The following MFN1 variants were observed in gnomAD, a reference collection of about 807,000 sequenced individuals.
MFN1 encodes mitofusin 1.
In MFN1, 65 loss-of-function variants were observed where a neutral mutation model predicts 92.4. The ratio of observed to expected loss-of-function variants is 0.70; its 90% confidence interval spans 0.58 to 0.86. The LOEUF is 0.86. Among genes scored for constraint, MFN1 ranks in the 40% least tolerant of loss-of-function variants. The pLI is 0.00. For missense variants in MFN1, 781 were observed against 868.0 expected (o/e 0.90, Z 1.26); for synonymous variants, 297 against 300.9 (o/e 0.99, Z 0.13).
chr3:179,355,124 G>A (rs766468639), intron 3 of MFN1, among the ~76,000 whole-genome samples: 14 of 151,934 alleles, frequency 9.2e-5, no homozygotes, highest in Non-Finnish European at 1.9e-4. Flanking sequence ...GCCCATATAT[G>A]CATCCATTCT....
At chr3:179,359,122 T>C in intron 4 of MFN1, 120 bp downstream of exon 4, 1 of 1,195,274 alleles carries the variant, frequency 8.4e-7, no homozygotes, top group South Asian at 2.3e-5. Context: ...ACTGTTAATA[T>C]TTTTCTTTTT....
At chr3:179,379,967 A>G (rs959183779) in intron 14 of MFN1, among the ~76,000 whole-genome samples, 5 of 152,246 alleles carry the variant, frequency 3.3e-5, no homozygotes, top group Admixed American at 1.3e-4. Context: ...TTGATCATGC[A>G]TTGAAAGAGT....
At chr3:179,382,102 AG>A (rs2108553411) in intron 14 of MFN1, among the ~76,000 whole-genome samples, 1 of 152,158 alleles carries the variant, frequency 6.6e-6, no homozygotes, top group Non-Finnish European at 1.5e-5. Flanking sequence ...TTTAAGTTCT[AG>A]GGTACATGTA....
intron 14 of MFN1, among the ~76,000 whole-genome samples, chr3:179,379,333 C>T (rs563214698): frequency 9.2e-5 from 14 of 152,192 alleles, no homozygotes; most frequent in African/African-American, 2.9e-4. Flanking sequence ...TGTAAAGATA[C>T]TGTTTAAAAA....
intron 6 of MFN1, 29 bp downstream of exon 6, chr3:179,364,434 G>C (rs924621670): frequency 5.4e-6 from 8 of 1,475,250 alleles, no homozygotes; most frequent in Non-Finnish European, 7.6e-6. Context: ...ATTGTGTTTC[G>C]ATGGTAGGAA....
intron 14 of MFN1, 34 bp downstream of exon 14, chr3:179,378,848 C>G (rs568569167): frequency 1.4e-6 from 2 of 1,464,480 alleles, no homozygotes; most frequent in African/African-American, 2.8e-5. Context: ...TTAAGACTCT[C>G]CTTTATTATT....
chr3:179,364,459 G>T, intron 6 of MFN1, 54 bp downstream of exon 6: 1 of 1,348,144 alleles, frequency 7.4e-7, no homozygotes, highest in South Asian at 1.2e-5. Flanking sequence ...AATGGTATCT[G>T]TTTTAATTCT....
At chr3:179,363,577 C>T (rs778602601) in intron 5 of MFN1, among the ~76,000 whole-genome samples, 13 of 151,808 alleles carry the variant, frequency 8.6e-5, no homozygotes, top group Admixed American at 5.3e-4. Context: ...TTGCAAACTC[C>T]GCTTCCCAGT....
intron 2 of MFN1, among the ~76,000 whole-genome samples, chr3:179,351,485 C>T (rs988193738): frequency 2.0e-5 from 3 of 152,178 alleles, no homozygotes; most frequent in African/African-American, 2.4e-5. Context: ...TGCACTGTAT[C>T]TTAATTTCTG....
intron 14 of MFN1, among the ~76,000 whole-genome samples, chr3:179,382,176 C>T (rs1321881178): frequency 1.3e-5 from 2 of 152,080 alleles, no homozygotes; most frequent in Non-Finnish European, 2.9e-5. Context: ...CACCCATTAA[C>T]TCATCATTTA....
chr3:179,389,805 A>C lies in MFN1; in HGVS notation c.2013-199A>C, dbSNP rs528814798. ...TTATTCATGTTCACAGCCATATAGC[A>C]GAGGTAATATCGTCTCTTGAGCCAG... On this transcript the variant is annotated intron_variant, in intron 16 of 17. Transcript: ENST00000471841. Among the ~76,000 whole-genome samples the C allele has an allele frequency of 3.0e-3, 452 of 152,248 alleles. 5 individuals carry two copies. Among genetic ancestry groups the C allele is most frequent in the African/African-American group, 0.011 (444 of 41,550 alleles).
chr3:179,351,451 A>G (rs1712143278), intron 2 of MFN1, among the ~76,000 whole-genome samples: 5 of 152,206 alleles, frequency 3.3e-5, no homozygotes, highest in Admixed American at 2.0e-4. Flanking sequence ...TAAAGTAGCA[A>G]GGTCTTTCCT....
intron 13 of MFN1, 64 bp downstream of exon 13, chr3:179,378,507 T>A: frequency 6.6e-7 from 1 of 1,519,762 alleles, no homozygotes; most frequent in Non-Finnish European, 9.0e-7. Context: ...GTGAAGAGCT[T>A]ATTTTCCTTT....
At chr3:179,383,572 A>G (rs1447251164) in intron 14 of MFN1, among the ~76,000 whole-genome samples, 2 of 152,124 alleles carry the variant, frequency 1.3e-5, no homozygotes, top group Non-Finnish European at 2.9e-5. Flanking sequence ...TTGGTTCCAT[A>G]TGAACTTTAA....
intron 14 of MFN1, among the ~76,000 whole-genome samples, chr3:179,383,892 T>C (rs1341977508): frequency 1.1e-4 from 16 of 152,222 alleles, no homozygotes; most frequent in Non-Finnish European, 1.6e-4. Flanking sequence ...TCAGTAATTT[T>C]TTAGGAAATT....
rs1713330134 is a variant in MFN1, at chr3:179,378,343, A to C, written c.1332A>C (p.Glu444Asp). 1.9e-6 allele frequency: 3 copies of C among 1,583,920 alleles called. No homozygotes were observed. Among genetic ancestry groups the C allele is most frequent in the Non-Finnish European group, 2.6e-6 (3 of 1,169,080 alleles). The change falls in exon 13 of 18, where the codon GAA (glutamate) becomes GAC (aspartate). Residue 444 changes from glutamate (E) to aspartate (D), a missense_variant and splice_region_variant. Transcript: ENST00000471841. ...NPDVLKIYKSELNKHIEDGMG... is the reference protein window; with the variant it reads ...NPDVLKIYKSDLNKHIEDGMG... Reference sequence around the variant, plus strand: ...TGGATATTTACCATTGTTAACAGGAATTAAATAAGCACATAGAGGATGGTA... The same window carrying C: ...TGGATATTTACCATTGTTAACAGGACTTAAATAAGCACATAGAGGATGGTA...
chr3:179,358,145 A>ATTTT (rs1287189333), intron 3 of MFN1, among the ~76,000 whole-genome samples: 3 of 91,684 alleles, frequency 3.3e-5, no homozygotes, highest in African/African-American at 1.5e-4. Flanking sequence ...AGTGTCACTC[A>ATTTT]TTTTGTTTTT....
At chr3:179,381,665 C>T (rs1051849136) in intron 14 of MFN1, among the ~76,000 whole-genome samples, 106 of 152,256 alleles carry the variant, frequency 7.0e-4, no homozygotes, top group African/African-American at 2.4e-3. Context: ...ACATGGGTGG[C>T]TGACATAGCA....
chr3:179,370,475 G>A (rs375974723), intron 9 of MFN1, among the ~76,000 whole-genome samples: 1 of 145,162 alleles, frequency 6.9e-6, no homozygotes. Flanking sequence ...GCAGCGGCGC[G>A]ATGTCAGCTC....
Sources: gnomAD v4.1 joint callset for allele counts (sites outside exome capture counted in the v4.1 genomes callset) on GRCh38, gnomAD v4.1.1 for gene constraint, MANE v1.5 for transcripts, NCBI Gene and HGNC (gene_info 2026-07-23, HGNC 2026-07-21) for gene names.